Variants in PRSS57 observed in about 807,000 individuals in gnomAD.
PRSS57 encodes serine protease 57.
A neutral mutation model predicts 20.6 loss-of-function variants in PRSS57; 19 were observed. That is an observed-to-expected ratio of 0.92 (90% CI 0.64 to 1.35). The LOEUF (loss-of-function observed/expected upper bound fraction) is 1.35, where lower values mean the gene tolerates loss of function less well. PRSS57 is among the 40% of genes most tolerant of loss of function. PRSS57 has a pLI of 0.00. For synonymous variants in PRSS57, 203 were observed against 176.6 expected, an observed-to-expected ratio of 1.15 and a Z score of -1.19; for missense variants, 440 against 403.7, an observed-to-expected ratio of 1.09 and a Z score of -0.77.
At position 687,142 on chromosome 19, in the gene PRSS57, G is replaced by A. The variant is rs8102982; in HGVS notation, c.425C>T (p.Pro142Leu). The stretch of plus-strand genomic sequence containing the variant: ...GGGGGGCCTGGCCCTTCTCCCTGGC[G>A]GCCTCAGCAGCCCCACTGCAGGGCC... ...VLGPAVGLLRPPGRRARPPTA... is the reference protein window; with the variant it reads ...VLGPAVGLLRLPGRRARPPTA... The change falls in exon 4 of 5, where the codon CCG becomes CTG. Residue 142 changes from proline (P) to leucine (L), a missense_variant. Pro to Leu is a moderately conservative substitution (Grantham distance 98). Coordinates refer to ENST00000329267, the MANE Select transcript of PRSS57 (RefSeq NM_001308209.2). The A allele has an allele frequency of 0.99, 1,592,450 of 1,602,600 alleles. 791,189 individuals are homozygous for A. Among genetic ancestry groups the A allele is most frequent in the East Asian group, 1 (44,392 of 44,392 alleles).
At chr19:693,199 G>A (rs1219901955) in intron 2 of PRSS57, among the ~76,000 whole-genome samples, 4 of 148,174 alleles carry the variant, frequency 2.7e-5, no homozygotes, top group East Asian at 4.0e-4. Flanking sequence ...CCAAAGTGCC[G>A]GGATTACAGG....
chr19:693,831 C>G (rs908583396), intron 2 of PRSS57, among the ~76,000 whole-genome samples: 3 of 152,138 alleles, frequency 2.0e-5, no homozygotes, highest in Non-Finnish European at 4.4e-5. Flanking sequence ...GCGCCGCCTC[C>G]CGGGTTCACG....
chr19:692,597 A>G (rs2031679314), intron 2 of PRSS57, among the ~76,000 whole-genome samples: 1 of 151,440 alleles, frequency 6.6e-6, no homozygotes. Flanking sequence ...TTGTATTTTC[A>G]GTAGAGACAG....
intron 2 of PRSS57, among the ~76,000 whole-genome samples, chr19:693,823 G>C (rs113654570): frequency 0.32 from 47,965 of 151,820 alleles, 9,278 homozygotes; most frequent in Non-Finnish European, 0.43. Context: ...CACTGAAAGC[G>C]CCGCCTCCCG....
At chr19:686,834 T>C in intron 4 of PRSS57, 91 bp downstream of exon 4, 1 of 1,465,848 alleles carries the variant, frequency 6.8e-7, no homozygotes, top group Non-Finnish European at 9.2e-7. Context: ...TCAATGGGAC[T>C]CAGTTCCCAA....
At position 685,880 on chromosome 19, in the gene PRSS57, C is replaced by A. The variant is rs746706690; in HGVS notation, c.685G>T (p.Gly229Cys). ...CAGAGGCCCGAGAAGGAAACGAGGCCGTGAGCCCGGTTCCTGCACACCAGG... is the reference window on the plus strand; with the variant it reads ...CAGAGGCCCGAGAAGGAAACGAGGCAGTGAGCCCGGTTCCTGCACACCAGG... ...GPLVCRNRAH[G>C]LVSFSGLWCG... The change falls in exon 5 of 5, where the codon GGC becomes TGC. Residue 229 changes from glycine (G) to cysteine (C), a missense_variant. Gly to Cys is a radical substitution (Grantham distance 159). Coordinates refer to ENST00000329267, the MANE Select transcript of PRSS57 (RefSeq NM_001308209.2). 3.2e-6 allele frequency: 5 copies of A among 1,553,422 alleles called. No individual in the cohort carries two copies. The African/African-American group carries it at 5.5e-5, about 17-fold the overall frequency.
Position 686,969 on chromosome 19 carries a change from G to C in PRSS57, c.598C>G (p.Leu200Val). Residue 200 changes from leucine (L) to valine (V), a missense_variant, in exon 4 of 5, where the codon CTC becomes GTC. Transcript: ENST00000329267. ...SWKGHLTLTMLCTRSGDSHRR... is the reference protein window; with the variant it reads ...SWKGHLTLTMVCTRSGDSHRR... ...TGGCTGTCCCCACTGCGGGTGCAGA[G>C]CATGGTAAGTGTCAGGTGGCCCTTC... The C allele has an allele frequency of 1.9e-6, 3 of 1,614,140 alleles. No homozygotes were observed. Among genetic ancestry groups the C allele is most frequent in the Non-Finnish European group, 2.5e-6 (3 of 1,180,032 alleles).
chr19:686,783 C>T, intron 4 of PRSS57, 142 bp downstream of exon 4: 3 of 1,080,100 alleles, frequency 2.8e-6, no homozygotes, highest in Non-Finnish European at 2.6e-6. Flanking sequence ...TTGCCAACTC[C>T]CTGCCTTCCC....
chr19:685,581 T>A lies in PRSS57; in HGVS notation c.*135A>T. On this transcript the variant is annotated 3_prime_UTR_variant, in exon 5 of 5. Coordinates refer to ENST00000329267, the MANE Select transcript of PRSS57 (RefSeq NM_001308209.2). Reference sequence around the variant, plus strand: ...ATTTTACTGGGTTTGCTTCTGCCCTTTGCATGTGGAATGGGTGTGCCCCAC... The same window carrying A: ...ATTTTACTGGGTTTGCTTCTGCCCTATGCATGTGGAATGGGTGTGCCCCAC... 1.2e-6 allele frequency: 1 copy of A among 821,748 alleles called. No homozygotes were observed. Among genetic ancestry groups the A allele is most frequent in the Non-Finnish European group, 1.8e-6 (1 of 540,642 alleles). The allele number at this position is 821,748 out of a possible 1,614,324, so 50.9% of individuals were successfully genotyped here. A position where few individuals can be genotyped will look rare whatever the true frequency, so the allele number is the denominator to read the frequency against.
intron 3 of PRSS57, among the ~76,000 whole-genome samples, chr19:689,828 C>T (rs139212117): frequency 0.022 from 3,380 of 152,224 alleles, 44 homozygotes; most frequent in African/African-American, 0.038. Context: ...CCAAGGTGGG[C>T]GGATCACTTG....
intron 1 of PRSS57, among the ~76,000 whole-genome samples, 178 bp from the exon 2 acceptor site, chr19:695,145 C>A (rs977798439): frequency 2.0e-5 from 3 of 152,136 alleles, no homozygotes; most frequent in Non-Finnish European, 2.9e-5. Context: ...CTGGGAGGGG[C>A]TCCCGAGCCC....
chr19:695,041 A>T (rs948021425), intron 1 of PRSS57, 74 bp from the exon 2 acceptor site: 39 of 1,366,650 alleles, frequency 2.9e-5, no homozygotes, highest in Non-Finnish European at 3.6e-5. Context: ...GGGCAGGGGG[A>T]GAAGTAGCGG....
Position 694,848 on chromosome 19 carries a change from A to C in PRSS57, c.199T>G (p.Trp67Gly). ...AAGCAGTGGGCGGCCGAGACCACCCAGCGGGCTCGCAGCAGGAAGCCTCCG... is the reference window on the plus strand; with the variant it reads ...AAGCAGTGGGCGGCCGAGACCACCCCGCGGGCTCGCAGCAGGAAGCCTCCG... The part of the protein sequence containing the change: ...HCGGFLLRAR[W>G]VVSAAHCFSH... The change falls in exon 2 of 5, where the codon TGG (tryptophan) becomes GGG (glycine). Residue 67 changes from tryptophan to glycine, a missense_variant. Coordinates refer to ENST00000329267, the MANE Select transcript of PRSS57 (RefSeq NM_001308209.2). The C allele has an allele frequency of 1.2e-6, 2 of 1,607,198 alleles. No individual in the cohort carries two copies. Among genetic ancestry groups the C allele is most frequent in the Middle Eastern group, 1.7e-4 (1 of 6,016 alleles).
In PRSS57 at chr19:691,957, A is replaced by T. The variant is rs2031661663; in HGVS notation, c.279T>A (p.Ser93Arg). The change falls in exon 3 of 5, where the codon AGT (serine) becomes AGA (arginine). Residue 93 changes from serine (S) to arginine (R), a missense_variant. Ser to Arg is a moderately radical substitution (Grantham distance 110). Coordinates refer to ENST00000329267, the MANE Select transcript of PRSS57 (RefSeq NM_001308209.2). Reference protein sequence around the residue: ...GLVVLGAHVLSTAEPTQQVFG... With the variant: ...GLVVLGAHVLRTAEPTQQVFG... ...ACACCTGCTGGGTGGGCTCCGCAGT[A>T]CTCAGGACGTGGGCGCCCAGCACCA... 2 of 1,329,476 alleles carry T rather than the reference A, an allele frequency of 1.5e-6. No individual in the cohort carries two copies. Among genetic ancestry groups the T allele is most frequent in the Non-Finnish European group, 1.9e-6 (2 of 1,030,476 alleles). 82.4% of individuals were successfully genotyped at this position (1,329,476 alleles called of 1,614,324 possible).
intron 3 of PRSS57, among the ~76,000 whole-genome samples, chr19:687,671 G>T (rs1270879761): frequency 6.6e-6 from 1 of 152,174 alleles, no homozygotes; most frequent in African/African-American, 2.4e-5. Context: ...CTCCCAAAGT[G>T]CTGGGATTAC....
chr19:691,775 C>T (rs774389975), intron 3 of PRSS57, 83 bp downstream of exon 3: 26 of 1,231,518 alleles, frequency 2.1e-5, no homozygotes, highest in East Asian at 6.1e-5. Flanking sequence ...GCCGAGATTG[C>T]GCCATTGCCC....
chr19:691,142 C>T, intron 3 of PRSS57: 1 of 213,044 alleles, frequency 4.7e-6, no homozygotes, highest in East Asian at 9.8e-5. Context: ...AGTCTCCGTG[C>T]AGACGCCCGG....
At chr19:689,713 G>T (rs942645368) in intron 3 of PRSS57, among the ~76,000 whole-genome samples, 1 of 152,146 alleles carries the variant, frequency 6.6e-6, no homozygotes, top group Non-Finnish European at 1.5e-5. Context: ...GAGTCCAGGA[G>T]GTCAAGACCA....
In PRSS57 at chr19:686,990, C is replaced by T. The variant is rs553412985; in HGVS notation, c.577G>A (p.Gly193Ser). 10 of 1,614,128 alleles carry T rather than the reference C, an allele frequency of 6.2e-6. No homozygotes were observed. The highest frequency in any genetic ancestry group is 4.0e-5 in the African/African-American group (3 of 75,068). The change falls in exon 4 of 5, where the codon GGC (glycine) becomes AGC (serine). Residue 193 changes from glycine to serine, a missense_variant. Physicochemically the swap from Gly to Ser is moderately conservative, Grantham distance 56. Coordinates refer to ENST00000329267, the MANE Select transcript of PRSS57 (RefSeq NM_001308209.2). Reference protein sequence around the residue: ...DPDVCNSSWKGHLTLTMLCTR... With the variant: ...DPDVCNSSWKSHLTLTMLCTR... ...CAGAGCATGGTAAGTGTCAGGTGGCCCTTCCAGGAGCTGTTGCAGACGTCC... is the reference window on the plus strand; with the variant it reads ...CAGAGCATGGTAAGTGTCAGGTGGCTCTTCCAGGAGCTGTTGCAGACGTCC...
Sources: allele counts gnomAD v4.1 joint callset (sites outside exome capture counted in the v4.1 genomes callset), GRCh38; gene constraint gnomAD v4.1.1; transcripts MANE v1.5; gene names NCBI Gene and HGNC (gene_info 2026-07-23, HGNC 2026-07-21).